The following RHCE variants were observed in gnomAD, a reference collection of about 807,000 sequenced individuals.
The protein encoded by RHCE is blood group Rh(CE) polypeptide.
RHCE carries 22 observed loss-of-function variants against 43.8 expected under a neutral mutation model. The observed-to-expected ratio is 0.50, with a 90% CI of 0.36 to 0.72. RHCE has a LOEUF of 0.72. Ranked by LOEUF, RHCE falls within the 30% of genes least tolerant of loss-of-function variation. RHCE has a pLI of 0.00. For missense variants in RHCE, 385 were observed against 525.4 expected (o/e 0.73, Z 2.61); for synonymous variants, 156 against 210.7 (o/e 0.74, Z 2.25).
At chr1:25,429,026 T>C (rs1354738432) in exon 2 of RHCE, 1 of 152,230 alleles carries the variant, frequency 6.6e-6, no homozygotes, top group African/African-American at 2.4e-5. Flanking sequence ...CAGAATGGGT[T>C]TTCTCTTCCA....
At chr1:25,387,774 A>G (rs567269816) in intron 6 of RHCE, among the ~76,000 whole-genome samples, 1 of 152,168 alleles carries the variant, frequency 6.6e-6, no homozygotes, top group East Asian at 1.9e-4. Context: ...TGCAAATGAC[A>G]GGATTTCATT....
intron 3 of RHCE, among the ~76,000 whole-genome samples, chr1:25,400,326 A>G (rs532448833): frequency 1.1e-4 from 16 of 152,106 alleles, no homozygotes; most frequent in Non-Finnish European, 2.1e-4. Context: ...GTCAAATCCA[A>G]TGGCTACTTC....
rs1338779449 is a variant in RHCE, at chr1:25,362,371, C to A, written c.*156G>T. 1 of 1,546,160 alleles carries A rather than the reference C, an allele frequency of 6.5e-7. No individual in the cohort carries two copies. Among genetic ancestry groups the A allele is most frequent in the East Asian group, 2.3e-5 (1 of 43,264 alleles). ...TTGACTCTTAAACTAAGTTTTTAGT[C>A]TTTAATTTTTTAATATCAAATCTGT... On this transcript the variant is annotated 3_prime_UTR_variant, in exon 10 of 10. Transcript: ENST00000294413.
intron 3 of RHCE, chr1:25,399,196 T>G (rs1054427779): frequency 2.4e-5 from 23 of 966,476 alleles, no homozygotes; most frequent in Admixed American, 1.9e-4. Context: ...CTGTGGAAGC[T>G]CTGACCTTTT....
At chr1:25,396,640 G>A (rs983434909) in intron 3 of RHCE, among the ~76,000 whole-genome samples, 4 of 152,262 alleles carry the variant, frequency 2.6e-5, no homozygotes, top group Non-Finnish European at 4.4e-5. Context: ...GAAAGAGAGA[G>A]AGGAAGTGCC....
In RHCE at chr1:25,402,723, G is replaced by A. The variant is rs1311072172; in HGVS notation, c.359C>T (p.Ala120Val). ...ACCCGCTGAGATCAGCACCGACATA[G>A]CACTCATGGTGGCCAGCCGAATACT... ...LFSIRLATMS[A>V]MSVLISAGAV... Residue 120 changes from alanine (A) to valine (V), a missense_variant, in exon 3 of 10, where the codon GCT becomes GTT. This residue lies in a region of RHCE where 110 missense variants were observed against 192.1 expected (regional missense o/e 0.57). Coordinates refer to ENST00000294413, the MANE Select transcript of RHCE (RefSeq NM_020485.8). 6.2e-7 allele frequency: 1 copy of A among 1,614,176 alleles called. No individual in the cohort carries two copies. Among genetic ancestry groups the A allele is most frequent in the South Asian group, 1.1e-5 (1 of 91,082 alleles).
rs1645420609 is a variant in RHCE, at chr1:25,362,277, G to C, written c.*250C>G. ...AATTAACCCAAAACTTTAATAATGTGTCTGTAACCAAGAAAATATTGATAG... is the reference window on the plus strand; with the variant it reads ...AATTAACCCAAAACTTTAATAATGTCTCTGTAACCAAGAAAATATTGATAG... On this transcript the variant is annotated 3_prime_UTR_variant, in exon 10 of 10. Transcript: ENST00000294413. 1 of 796,832 alleles carries C rather than the reference G, an allele frequency of 1.3e-6. No individual in the cohort carries two copies. The highest frequency in any genetic ancestry group is 1.9e-5 in the South Asian group (1 of 53,492). 49.4% of individuals were successfully genotyped at this position (796,832 alleles called of 1,614,324 possible). A position where few individuals can be genotyped will look rare whatever the true frequency, so the allele number is the denominator to read the frequency against.
Position 25,362,538 on chromosome 1 carries a change from C to A in RHCE, c.1243G>T (p.Val415Phe). 4 of 1,587,740 alleles carry A rather than the reference C, an allele frequency of 2.5e-6. No individual in the cohort carries two copies. Among genetic ancestry groups the A allele is most frequent in the Non-Finnish European group, 3.4e-6 (4 of 1,159,540 alleles). The part of the protein sequence containing the change: ...QVFWKFPHLA[V>F]GF ...TTGGATGCTTTTGCTTAAAATCCAA[C>A]AGCCAAATGAGGAAACTGTAAAAGC... Residue 415 changes from valine to phenylalanine, a missense_variant, in exon 10 of 10, where the codon GTT becomes TTT. Around this residue, in one of 6 missense-constraint regions of RHCE, gnomAD observed 26 missense variants for 37.1 expected, o/e 0.70. Coordinates refer to ENST00000294413, the MANE Select transcript of RHCE (RefSeq NM_020485.8).
intron 3 of RHCE, among the ~76,000 whole-genome samples, chr1:25,396,195 C>T (rs887871418): frequency 3.9e-5 from 6 of 152,184 alleles, no homozygotes; most frequent in Non-Finnish European, 7.3e-5. Context: ...AACTTCAAAA[C>T]ATGTCAAGGT....
intron 1 of RHCE, among the ~76,000 whole-genome samples, chr1:25,429,345 G>A (rs2042831728): frequency 6.6e-6 from 1 of 151,324 alleles, no homozygotes; most frequent in Non-Finnish European, 1.5e-5. Context: ...GTAGAGATGG[G>A]GTTTCACCAT....
intron 9 of RHCE, among the ~76,000 whole-genome samples, chr1:25,370,232 G>A (rs1298592290): frequency 6.6e-6 from 1 of 151,480 alleles, no homozygotes; most frequent in Non-Finnish European, 1.5e-5. Flanking sequence ...TCTCATCCCT[G>A]ACTCTGAATG....
At chr1:25,391,378 G>T (rs536560167) in intron 4 of RHCE, among the ~76,000 whole-genome samples, 1 of 152,132 alleles carries the variant, frequency 6.6e-6, no homozygotes, top group South Asian at 2.1e-4. Context: ...GTAGAGATGG[G>T]GTTTCGCCCT....
chr1:25,373,977 C>T (rs750011821), intron 8 of RHCE, among the ~76,000 whole-genome samples: 46 of 151,304 alleles, frequency 3.0e-4, no homozygotes, highest in Non-Finnish European at 5.0e-4. Flanking sequence ...CACACCACCA[C>T]GCCTGGCTAA....
At chr1:25,410,734 C>T (rs1021367075) in intron 1 of RHCE, among the ~76,000 whole-genome samples, 2 of 152,108 alleles carry the variant, frequency 1.3e-5, no homozygotes, top group Non-Finnish European at 2.9e-5. Context: ...GAAGGGGAAG[C>T]ATAGGTTTTG....
chr1:25,429,221 GTTT>G (rs386366538), intron 1 of RHCE, among the ~76,000 whole-genome samples: 3 of 112,374 alleles, frequency 2.7e-5, no homozygotes, highest in African/African-American at 7.0e-5. Flanking sequence ...TTCCTGGGAA[GTTT>G]TTTTTTTTTT....
intron 2 of RHCE, among the ~76,000 whole-genome samples, chr1:25,426,687 G>A (rs930696561): frequency 6.6e-6 from 1 of 152,218 alleles, no homozygotes. Context: ...TCCATGGTAA[G>A]GATATGTGAT....
chr1:25,425,881 G>C (rs2042802072), intron 2 of RHCE, among the ~76,000 whole-genome samples: 1 of 152,228 alleles, frequency 6.6e-6, no homozygotes, highest in Non-Finnish European at 1.5e-5. Context: ...GTGTGACCTT[G>C]CTCTGGGCAC....
chr1:25,390,730 A>T lies in RHCE; in HGVS notation c.801+19T>A. 6.2e-7 allele frequency: 1 copy of T among 1,614,114 alleles called. No homozygotes were observed. The highest frequency in any genetic ancestry group is 8.5e-7 in the Non-Finnish European group (1 of 1,179,968). ...TCCTGTTAGACCCAAGTGCTGCCCA[A>T]GGGCAGCGCCCTGCTCACCATGCTG... On this transcript the variant is annotated intron_variant, in intron 5 of 9. Transcript: ENST00000294413.
At chr1:25,382,188 C>A (rs1646022409) in intron 7 of RHCE, among the ~76,000 whole-genome samples, 2 of 148,690 alleles carry the variant, frequency 1.3e-5, no homozygotes, top group Admixed American at 6.6e-5. Flanking sequence ...AAGGCCCTTC[C>A]TCCAAATAGC....
Sources: allele counts gnomAD v4.1 joint callset (sites outside exome capture counted in the v4.1 genomes callset), GRCh38; gene constraint gnomAD v4.1.1; regional missense constraint gnomAD v4.1.1; transcripts MANE v1.5; gene names NCBI Gene and HGNC (gene_info 2026-07-23, HGNC 2026-07-21).